The following L3MBTL4 variants were observed in gnomAD, a reference collection of about 807,000 sequenced individuals.
L3MBTL4 encodes L3MBTL histone methyl-lysine binding protein 4, also known as lethal(3)malignant brain tumor-like protein 4.
L3MBTL4 carries 70 observed loss-of-function variants against 84.5 expected under a neutral mutation model. The observed-to-expected ratio is 0.83, with a 90% CI of 0.68 to 1.01. L3MBTL4 has a LOEUF of 1.01. Among genes scored for constraint, L3MBTL4 ranks in the 50% least tolerant of loss-of-function variants. L3MBTL4 has a pLI of 0.00. For missense variants in L3MBTL4, 715 were observed against 754.8 expected (o/e 0.95, Z 0.62); for synonymous variants, 274 against 259.8 (o/e 1.05, Z -0.52).
chr18:6,385,767 C>A (rs750960449), intron 1 of L3MBTL4, among the ~76,000 whole-genome samples: 3 of 152,174 alleles, frequency 2.0e-5, no homozygotes, highest in Non-Finnish European at 4.4e-5. Flanking sequence ...TATTCCTAAA[C>A]CTCTCTCCAA....
At chr18:6,154,408 G>GA (rs1392280165) in intron 13 of L3MBTL4, among the ~76,000 whole-genome samples, 1 of 151,986 alleles carries the variant, frequency 6.6e-6, no homozygotes, top group Non-Finnish European at 1.5e-5. Flanking sequence ...AAATATATAT[G>GA]AAAAAGGGGG....
intron 1 of L3MBTL4, among the ~76,000 whole-genome samples, chr18:6,338,411 A>G (rs1386636482): frequency 1.3e-5 from 2 of 152,148 alleles, no homozygotes; most frequent in East Asian, 3.9e-4. Flanking sequence ...TATGTCTAGA[A>G]TTAATATCCA....
At chr18:6,368,296 C>T (rs1178502536) in intron 1 of L3MBTL4, among the ~76,000 whole-genome samples, 1 of 152,036 alleles carries the variant, frequency 6.6e-6, no homozygotes, top group East Asian at 1.9e-4. Flanking sequence ...GGGGTGCGAG[C>T]AAGGGAGAGA....
chr18:6,156,282 A>T (rs531742031), intron 13 of L3MBTL4, among the ~76,000 whole-genome samples: 25 of 152,262 alleles, frequency 1.6e-4, no homozygotes, highest in African/African-American at 5.8e-4. Flanking sequence ...CTTTATCATC[A>T]TGGCCATAAG....
At chr18:6,141,845 C>T (rs1303342532) in intron 13 of L3MBTL4, among the ~76,000 whole-genome samples, 2 of 152,186 alleles carry the variant, frequency 1.3e-5, no homozygotes, top group South Asian at 2.1e-4. Flanking sequence ...TCTCTTAGCA[C>T]ATTTCAATGG....
intron 16 of L3MBTL4, chr18:6,030,986 CA>C: frequency 1.0e-6 from 1 of 985,244 alleles, no homozygotes; most frequent in African/African-American, 1.7e-5. Context: ...TCTACAATTT[CA>C]TCTTTCCCTT....
At chr18:6,276,219 C>A (rs568798931) in intron 4 of L3MBTL4, among the ~76,000 whole-genome samples, 1 of 152,330 alleles carries the variant, frequency 6.6e-6, no homozygotes, top group East Asian at 1.9e-4. Flanking sequence ...TGACTGATGT[C>A]TTATGTCTCC....
intron 1 of L3MBTL4, among the ~76,000 whole-genome samples, chr18:6,327,945 G>T (rs1035507776): frequency 1.3e-5 from 2 of 152,140 alleles, no homozygotes; most frequent in Non-Finnish European, 2.9e-5. Flanking sequence ...GCAATCATTT[G>T]CTCAGAACCT....
chr18:6,159,119 C>G (rs1254914073), intron 13 of L3MBTL4, among the ~76,000 whole-genome samples: 1 of 152,148 alleles, frequency 6.6e-6, no homozygotes, highest in African/African-American at 2.4e-5. Flanking sequence ...GGCTTTGCTG[C>G]CCTCTTCCCC....
intron 16 of L3MBTL4, among the ~76,000 whole-genome samples, chr18:5,993,094 G>A (rs998832929): frequency 5.3e-5 from 8 of 152,174 alleles, no homozygotes; most frequent in Admixed American, 3.9e-4. Context: ...TCCAAGAAAG[G>A]TGGCCCTGGT....
chr18:6,114,860 T>C (rs2059308436), intron 14 of L3MBTL4, among the ~76,000 whole-genome samples: 1 of 152,010 alleles, frequency 6.6e-6, no homozygotes, highest in Non-Finnish European at 1.5e-5. Context: ...GGAGGATGAG[T>C]CAAAGGATAC....
intron 1 of L3MBTL4, among the ~76,000 whole-genome samples, chr18:6,377,868 T>A (rs76417598): frequency 0.14 from 21,518 of 152,194 alleles, 1,969 homozygotes; most frequent in East Asian, 0.3. Flanking sequence ...AAATGGTATT[T>A]CTAGTTCTAG....
intron 16 of L3MBTL4, among the ~76,000 whole-genome samples, chr18:6,026,065 T>C (rs911876069): frequency 6.6e-6 from 1 of 152,250 alleles, no homozygotes; most frequent in African/African-American, 2.4e-5. Context: ...ACTCAGTAAA[T>C]TGGCAGATTC....
At chr18:6,031,184 G>A in intron 16 of L3MBTL4, 1 of 985,416 alleles carries the variant, frequency 1.0e-6, no homozygotes, top group South Asian at 4.7e-5. Flanking sequence ...CCTCCCCCGT[G>A]GGAGTAGAAT....
In L3MBTL4 at chr18:6,178,503, A is replaced by C. The variant is rs185287945; in HGVS notation, c.982-6561T>G. Among the ~76,000 whole-genome samples, 110 of 152,344 alleles carry C rather than the reference A, an allele frequency of 7.2e-4. 2 individuals are homozygous for C. In the East Asian group the frequency reaches 0.018, roughly 25 times the overall value. ...GAGTCCTTTTGTAAAGCAAAGCCTC[A>C]TTTTGAAAACCAAATCATCTCAACA... is the stretch of plus-strand genomic sequence containing the variant. On this transcript the variant is annotated intron_variant, in intron 12 of 18. Transcript: ENST00000317931.
chr18:6,286,201 C>G (rs559428488), intron 4 of L3MBTL4, among the ~76,000 whole-genome samples: 12 of 152,018 alleles, frequency 7.9e-5, no homozygotes, highest in Admixed American at 6.5e-4. Context: ...CGGTGGCTCA[C>G]ACCTGTAATC....
In L3MBTL4 at chr18:6,102,866, G is replaced by A. The variant is rs76663364; in HGVS notation, c.1200-9338C>T. On this transcript the variant is annotated intron_variant, in intron 14 of 18. Coordinates refer to ENST00000317931, the MANE Select transcript of L3MBTL4 (RefSeq NM_001330559.2). ...ATTGGGCTGGCACATTATCTATGCT[G>A]TTTGTTATAGGTAATAGTTTCAGCA... Among the ~76,000 whole-genome samples the A allele has an allele frequency of 4.9e-4, 74 of 152,298 alleles. No individual in the cohort carries two copies. The East Asian group carries it at 0.013, about 28-fold the overall frequency.
At chr18:6,012,259 G>A (rs538705412) in intron 16 of L3MBTL4, among the ~76,000 whole-genome samples, 1 of 152,126 alleles carries the variant, frequency 6.6e-6, no homozygotes, top group African/African-American at 2.4e-5. Flanking sequence ...AGCTGTCAGG[G>A]AGGGCCACAG....
intron 16 of L3MBTL4, among the ~76,000 whole-genome samples, chr18:6,041,084 C>T (rs2056378939): frequency 6.6e-6 from 1 of 152,194 alleles, no homozygotes; most frequent in Admixed American, 6.5e-5. Context: ...GCTGTTTCAC[C>T]TCTATCACAT....
Sources: allele counts gnomAD v4.1 joint callset (sites outside exome capture counted in the v4.1 genomes callset), GRCh38; gene constraint gnomAD v4.1.1; transcripts MANE v1.5; gene names NCBI Gene and HGNC (gene_info 2026-07-23, HGNC 2026-07-21).